The following ITSN2 variants were observed in gnomAD, a reference collection of about 807,000 sequenced individuals.
ITSN2 encodes the protein intersectin-2.
ITSN2 carries 156 observed loss-of-function variants against 243.7 expected under a neutral mutation model. The ratio of observed to expected loss-of-function variants is 0.64; its 90% CI spans 0.56 to 0.73. The LOEUF (loss-of-function observed/expected upper bound fraction) is 0.73. Among genes scored for constraint, ITSN2 ranks in the 30% least tolerant of loss-of-function variants. ITSN2 has a pLI of 0.00. For synonymous variants in ITSN2, 703 were observed against 699.9 expected (o/e 1.00, Z -0.07); for missense variants, 1,801 against 1,996.1 (o/e 0.90, Z 1.86).
intron 2 of ITSN2, chr2:24,321,746 T>A (rs1006623909): frequency 2.6e-5 from 4 of 152,134 alleles, no homozygotes; most frequent in African/African-American, 9.7e-5. Flanking sequence ...TCAGAAAAAT[T>A]ATGATGCTGA....
intron 1 of ITSN2, among the ~76,000 whole-genome samples, chr2:24,328,481 T>A (rs79265095): frequency 1.3e-5 from 2 of 151,670 alleles, no homozygotes; most frequent in African/African-American, 4.8e-5. Flanking sequence ...TTTTTTTTTT[T>A]AAATAGAGTC....
intron 1 of ITSN2, among the ~76,000 whole-genome samples, chr2:24,353,384 C>T (rs1163508694): frequency 6.6e-6 from 1 of 152,102 alleles, no homozygotes; most frequent in East Asian, 1.9e-4. Context: ...ATCGTCTGAA[C>T]TCAGGAGTTT....
chr2:24,294,186 G>A (rs990098410), intron 14 of ITSN2, among the ~76,000 whole-genome samples: 3 of 152,198 alleles, frequency 2.0e-5, no homozygotes, highest in South Asian at 2.1e-4. Context: ...AGCACTTTGG[G>A]AGGCCAAGGC....
At chr2:24,267,240 G>T (rs1676763960) in intron 20 of ITSN2, among the ~76,000 whole-genome samples, 1 of 152,068 alleles carries the variant, frequency 6.6e-6, no homozygotes, top group Admixed American at 6.6e-5. Context: ...CTGTCAGGGG[G>T]TGGGGGACTA....
At chr2:24,324,561 A>G (rs955336572) in intron 2 of ITSN2, among the ~76,000 whole-genome samples, 4 of 152,110 alleles carry the variant, frequency 2.6e-5, no homozygotes, top group Non-Finnish European at 4.4e-5. Context: ...TATGGGGTAC[A>G]AAGATGAATA....
chr2:24,224,694 C>T (rs963658449), intron 29 of ITSN2, among the ~76,000 whole-genome samples: 1 of 151,754 alleles, frequency 6.6e-6, no homozygotes, highest in East Asian at 1.9e-4. Context: ...AGTGCAGCGG[C>T]GCGATCTCGG....
intron 1 of ITSN2, among the ~76,000 whole-genome samples, chr2:24,353,022 AAAC>A (rs1688158005): frequency 6.6e-6 from 1 of 152,250 alleles, no homozygotes; most frequent in Non-Finnish European, 1.5e-5. Flanking sequence ...CACCTCTTTG[AAAC>A]AAAGACAACT....
intron 32 of ITSN2, among the ~76,000 whole-genome samples, chr2:24,213,509 G>A (rs369296361): frequency 9.3e-4 from 141 of 152,216 alleles, no homozygotes; most frequent in African/African-American, 3.3e-3. Flanking sequence ...TGTTTTGGCC[G>A]TATCTATATA....
chr2:24,360,136 G>A (rs1421343507), intron 1 of ITSN2, among the ~76,000 whole-genome samples, 168 bp downstream of exon 1: 6 of 152,020 alleles, frequency 3.9e-5, no homozygotes, highest in African/African-American at 7.2e-5. Flanking sequence ...CCGCACGGCC[G>A]AGCCCGCCAG....
intron 30 of ITSN2, among the ~76,000 whole-genome samples, 193 bp from the exon 31 acceptor site, chr2:24,218,206 G>A (rs747355358): frequency 1.3e-5 from 2 of 152,116 alleles, no homozygotes; most frequent in African/African-American, 2.4e-5. Flanking sequence ...CTTTTTGCTA[G>A]TGCAGCTCTT....
At chr2:24,308,869 G>A in intron 7 of ITSN2, 113 bp from the exon 8 acceptor site, 1 of 706,476 alleles carries the variant, frequency 1.4e-6, no homozygotes, top group South Asian at 1.6e-5. Context: ...GAACCCCCGG[G>A]CCACCGACCT....
chr2:24,295,938 A>C, intron 13 of ITSN2, 134 bp from the exon 14 acceptor site: 1 of 588,490 alleles, frequency 1.7e-6, no homozygotes, highest in Non-Finnish European at 2.7e-6. Flanking sequence ...AAATGCCTAA[A>C]ACCAAGTGGA....
intron 1 of ITSN2, among the ~76,000 whole-genome samples, chr2:24,356,930 C>T (rs1032183693): frequency 6.6e-6 from 1 of 151,704 alleles, no homozygotes; most frequent in Admixed American, 6.6e-5. Flanking sequence ...AATGAGATAC[C>T]ATTTCATGCC....
chr2:24,357,264 G>C (rs1314001807), intron 1 of ITSN2, among the ~76,000 whole-genome samples: 1 of 152,112 alleles, frequency 6.6e-6, no homozygotes, highest in East Asian at 1.9e-4. Context: ...AAGAAAATGT[G>C]ATATACATAC....
intron 29 of ITSN2, among the ~76,000 whole-genome samples, chr2:24,226,860 G>T (rs1671078827): frequency 6.6e-6 from 1 of 152,108 alleles, no homozygotes; most frequent in South Asian, 2.1e-4. Flanking sequence ...TCACTTTAAA[G>T]AAAAAGAACT....
intron 37 of ITSN2, among the ~76,000 whole-genome samples, chr2:24,207,786 G>T (rs1669057666): frequency 6.6e-6 from 1 of 151,918 alleles, no homozygotes; most frequent in Non-Finnish European, 1.5e-5. Flanking sequence ...GAAGGATGGG[G>T]AGAGGGCAGA....
At chr2:24,347,760 C>T (rs1687678270) in intron 1 of ITSN2, among the ~76,000 whole-genome samples, 2 of 150,584 alleles carry the variant, frequency 1.3e-5, no homozygotes, top group African/African-American at 4.9e-5. Flanking sequence ...ACCACATATA[C>T]CAAAATGTTA....
chr2:24,307,642 C>T (rs1198997062), intron 8 of ITSN2, among the ~76,000 whole-genome samples: 1 of 152,186 alleles, frequency 6.6e-6, no homozygotes, highest in Non-Finnish European at 1.5e-5. Flanking sequence ...ATAGTTATCA[C>T]ATAGGTATGT....
At chr2:24,348,645 C>T (rs937749471) in intron 1 of ITSN2, among the ~76,000 whole-genome samples, 2 of 152,200 alleles carry the variant, frequency 1.3e-5, no homozygotes, top group African/African-American at 4.8e-5. Flanking sequence ...AACAAACACA[C>T]CCTATTGCAG....
Sources: gnomAD v4.1 joint callset for allele counts (sites outside exome capture counted in the v4.1 genomes callset) on GRCh38, gnomAD v4.1.1 for gene constraint, MANE v1.5 for transcripts, NCBI Gene and HGNC (gene_info 2026-07-23, HGNC 2026-07-21) for gene names.